MCF2L: variants seen among roughly 807,000 people sequenced by gnomAD.
MCF2L encodes the protein MCF.2 cell line derived transforming sequence like, also known as guanine nucleotide exchange factor DBS.
MCF2L carries 97 observed loss-of-function variants against 153.4 expected under a neutral mutation model. The observed-to-expected ratio is 0.63, with a 90% CI of 0.54 to 0.75. The LOEUF is 0.75. Among genes scored for constraint, MCF2L ranks in the 30% least tolerant of loss-of-function variants. MCF2L has a pLI of 0.00. For synonymous variants in MCF2L, 659 were observed against 632.2 expected (o/e 1.04, Z -0.64); for missense variants, 1,347 against 1,495.2 (o/e 0.90, Z 1.64).
In MCF2L at chr13:113,084,159, A is replaced by G. The variant is rs577266472; in HGVS notation, c.2061+92A>G. 17 of 1,041,670 alleles carry G rather than the reference A, an allele frequency of 1.6e-5. No homozygotes were observed. In the East Asian group the frequency reaches 4.0e-4, roughly 25 times the overall value. 64.5% of individuals were successfully genotyped at this position (1,041,670 alleles called of 1,614,324 possible). ...CTACTGCAAGTTCCTATTCTAACCA[A>G]CTGAAATCACAAAATACGATGTTTT... On this transcript the variant is annotated intron_variant, in intron 18 of 29. Coordinates refer to ENST00000535094, the MANE Select transcript of MCF2L (RefSeq NM_001112732.3).
At chr13:112,956,251 C>CT (rs1033183848) in intron 2 of MCF2L, 13 of 152,836 alleles carry the variant, frequency 8.5e-5, no homozygotes, top group African/African-American at 3.1e-4. Context: ...GCAGCAGCTT[C>CT]TTTTTGCCAG....
chr13:113,096,786 G>C lies in MCF2L; in HGVS notation c.3305G>C (p.Gly1102Ala), dbSNP rs773507991. 3 of 1,568,144 alleles carry C rather than the reference G, an allele frequency of 1.9e-6. No individual in the cohort carries two copies. Among genetic ancestry groups the C allele is most frequent in the Admixed American group, 3.5e-5 (2 of 57,308 alleles). The change falls in exon 30 of 30, where the codon GGG becomes GCG. Residue 1102 changes from glycine (G) to alanine (A), a missense_variant. By Grantham distance (60) the Gly-to-Ala change is moderately conservative. Coordinates refer to ENST00000535094, the MANE Select transcript of MCF2L (RefSeq NM_001112732.3). ...QCLSSSESSP[G>A]SAVLSNSSSC... is the part of the protein sequence containing the mutation. ...GATCTCCCCGCAGAGTCGAGCCCGG[G>C]GTCGGCCGTGCTGAGCAACTCGTCC...
At chr13:112,961,303 G>A (rs1458279776) in intron 2 of MCF2L, among the ~76,000 whole-genome samples, 1 of 152,250 alleles carries the variant, frequency 6.6e-6, no homozygotes, top group African/African-American at 2.4e-5. Flanking sequence ...TAATTTGAAA[G>A]TGTCGAGTGA....
chr13:112,979,528 T>C, intron 1 of MCF2L: 1 of 1,496,284 alleles, frequency 6.7e-7, no homozygotes, highest in Middle Eastern at 2.4e-4. Context: ...CTTGTGACCA[T>C]GCGGCACCCG....
chr13:113,095,714 G>T, intron 27 of MCF2L: 1 of 992,744 alleles, frequency 1.0e-6, no homozygotes, highest in Non-Finnish European at 1.2e-6. Flanking sequence ...CCCTGCAGCC[G>T]GCAGCACCCC....
chr13:113,007,863 C>T (rs4324041), intron 1 of MCF2L, among the ~76,000 whole-genome samples: 12,131 of 151,734 alleles, frequency 0.08, 722 homozygotes, highest in East Asian at 0.3. Context: ...AGAGCCGTCA[C>T]GTGACAAACT....
rs2030992532 is a variant in MCF2L, at chr13:113,059,441, G to A, written c.370-1152G>A. Among the ~76,000 whole-genome samples the A allele has an allele frequency of 3.3e-5, 5 of 152,358 alleles. No homozygotes were observed. In the South Asian group the frequency reaches 1.0e-3, roughly 32 times the overall value. ...GCTGCTATATTCCTTTCGGGCTTTAGGGCAATGCCATTCTTTTCTATATGT... is the reference window on the plus strand; with the variant it reads ...GCTGCTATATTCCTTTCGGGCTTTAAGGCAATGCCATTCTTTTCTATATGT... On this transcript the variant is annotated intron_variant, in intron 4 of 29. Transcript: ENST00000535094.
At chr13:113,096,195 A>G in intron 27 of MCF2L, 176 bp from the exon 28 acceptor site, 1 of 610,750 alleles carries the variant, frequency 1.6e-6, no homozygotes, top group Non-Finnish European at 2.9e-6. Flanking sequence ...CCGCTGCGGT[A>G]GTCATGCCCT....
At chr13:112,911,944 G>A (rs1433737376) in intron 2 of MCF2L, among the ~76,000 whole-genome samples, 1 of 152,208 alleles carries the variant, frequency 6.6e-6, no homozygotes, top group Admixed American at 6.5e-5. Context: ...TGGCCAATCC[G>A]CCAAGAATAG....
intron 1 of MCF2L, among the ~76,000 whole-genome samples, chr13:113,003,805 C>G (rs57414369): frequency 6.6e-6 from 1 of 152,176 alleles, no homozygotes; most frequent in Non-Finnish European, 1.5e-5. Context: ...CTCCTCACTC[C>G]TGCAGAGGCC....
rs796308334 is a variant in MCF2L at position 113,046,478 on chromosome 13, G to A, written c.369+1117G>A. ...TGGCCTTTCCTGGGTCCCGCGTTCAGACTACCTTTGGGTTCCCCAGCCTCT... is the reference window on the plus strand; with the variant it reads ...TGGCCTTTCCTGGGTCCCGCGTTCAAACTACCTTTGGGTTCCCCAGCCTCT... On this transcript the variant is annotated intron_variant, in intron 4 of 29. Transcript: ENST00000535094. The surrounding 1 kb of genome is among the most constrained non-coding windows in gnomAD (Gnocchi z 4.4). 1 of 513,368 alleles carries A rather than the reference G, an allele frequency of 1.9e-6. No individual in the cohort carries two copies. Among genetic ancestry groups the A allele is most frequent in the South Asian group, 1.4e-5 (1 of 69,564 alleles). 31.8% of individuals were successfully genotyped at this position (513,368 alleles called of 1,614,324 possible). A position where few individuals can be genotyped will look rare whatever the true frequency, so the allele number is the denominator to read the frequency against.
rs1216293235 is a variant in MCF2L, at chr13:113,070,409, G to C, written c.996+236G>C. Reference sequence around the variant, plus strand: ...AGGTGATTGAAAATCAGCTCACTGGGATGCACTTACACTGCATTATTCGTA... The same window carrying C: ...AGGTGATTGAAAATCAGCTCACTGGCATGCACTTACACTGCATTATTCGTA... On this transcript the variant is annotated intron_variant, in intron 9 of 29. Coordinates refer to ENST00000535094, the MANE Select transcript of MCF2L (RefSeq NM_001112732.3). The surrounding 1 kb of genome is among the most constrained non-coding windows in gnomAD (Gnocchi z 5.6). 5.6e-6 allele frequency: 2 copies of C among 354,704 alleles called. No individual in the cohort carries two copies. The highest frequency in any genetic ancestry group is 2.2e-5 in the African/African-American group (1 of 45,706). 22.0% of individuals were successfully genotyped at this position (354,704 alleles called of 1,614,324 possible). A position where few individuals can be genotyped will look rare whatever the true frequency, so the allele number is the denominator to read the frequency against.
chr13:112,920,405 TCA>T (rs1304554206), intron 2 of MCF2L, among the ~76,000 whole-genome samples: 2 of 152,142 alleles, frequency 1.3e-5, no homozygotes, highest in Admixed American at 1.3e-4. Flanking sequence ...GTGTTTGTGA[TCA>T]GTTATCTGAT....
chr13:113,088,468 T>C, intron 24 of MCF2L, 63 bp downstream of exon 24: 1 of 1,608,336 alleles, frequency 6.2e-7, no homozygotes, highest in South Asian at 1.1e-5. Flanking sequence ...TTTACCTATG[T>C]TCAGAGCAAC....
chr13:113,022,781 G>A (rs1451742187), intron 2 of MCF2L, among the ~76,000 whole-genome samples: 3 of 152,370 alleles, frequency 2.0e-5, no homozygotes, highest in South Asian at 4.1e-4. Flanking sequence ...CCGCGGCGGC[G>A]GCTGAGGGGA....
intron 3 of MCF2L, among the ~76,000 whole-genome samples, chr13:113,030,279 A>C (rs74115745): frequency 0.014 from 1,638 of 113,176 alleles, 35 homozygotes; most frequent in African/African-American, 0.055. Context: ...CCACTGATGC[A>C]GGTGTGGGCC....
chr13:113,051,874 C>A (rs992712317), intron 4 of MCF2L, among the ~76,000 whole-genome samples: 5 of 152,066 alleles, frequency 3.3e-5, no homozygotes, highest in African/African-American at 9.7e-5. Flanking sequence ...CCCACCCCCA[C>A]GACAGCCCGT....
At chr13:112,948,022 A>G (rs748235439) in intron 2 of MCF2L, among the ~76,000 whole-genome samples, 1 of 152,194 alleles carries the variant, frequency 6.6e-6, no homozygotes, top group Non-Finnish European at 1.5e-5. Context: ...TGGACACCTG[A>G]GCCATAGCTG....
rs764843176 is a variant in MCF2L at position 113,094,529 on chromosome 13, C to T, written c.2969C>T (p.Ser990Phe). 2 of 1,611,966 alleles carry T rather than the reference C, an allele frequency of 1.2e-6. No homozygotes were observed. Among genetic ancestry groups the T allele is most frequent in the Non-Finnish European group, 1.7e-6 (2 of 1,179,452 alleles). The change falls in exon 27 of 30, where the codon TCC becomes TTC. Residue 990 changes from serine to phenylalanine, a missense_variant. Physicochemically the swap from Ser to Phe is radical, Grantham distance 155. Coordinates refer to ENST00000535094, the MANE Select transcript of MCF2L (RefSeq NM_001112732.3). ...TCTCTCTTAGGTTGGAGCAAAACGT[C>T]CCACTCACTGGAGGCACCTGAGGAC... ...PEKGKGWSKT[S>F]HSLEAPEDDG...
Sources: gnomAD v4.1 joint callset for allele counts (sites outside exome capture counted in the v4.1 genomes callset) on GRCh38, gnomAD v4.1.1 for gene constraint, Gnocchi (gnomAD v3.1) non-coding constraint, MANE v1.5 for transcripts, NCBI Gene and HGNC (gene_info 2026-07-23, HGNC 2026-07-21) for gene names.